Variants in LARS2 observed in about 807,000 individuals in gnomAD.
LARS2 encodes leucine--tRNA ligase, mitochondrial.
LARS2 carries 81 observed loss-of-function variants against 116.6 expected under a neutral mutation model. The ratio of observed to expected loss-of-function variants is 0.69; its 90% CI spans 0.58 to 0.84. LARS2 has a LOEUF of 0.84. Among genes scored for constraint, LARS2 ranks in the 40% least tolerant of loss-of-function variants. LARS2 has a pLI of 0.00. For missense variants in LARS2, 968 were observed against 1,114.5 expected (o/e 0.87, Z 1.87); for synonymous variants, 396 against 407.2 (o/e 0.97, Z 0.33).
intron 14 of LARS2, among the ~76,000 whole-genome samples, chr3:45,497,780 A>G (rs1700042082): frequency 6.6e-6 from 1 of 152,052 alleles, no homozygotes; most frequent in South Asian, 2.1e-4. Flanking sequence ...GGTGGCACGC[A>G]CCTGTAATCC....
At chr3:45,406,475 C>T (rs1698233529) in intron 4 of LARS2, among the ~76,000 whole-genome samples, 1 of 152,052 alleles carries the variant, frequency 6.6e-6, no homozygotes, top group African/African-American at 2.4e-5. Context: ...AAATACATCC[C>T]ATTGAAATGA....
intron 15 of LARS2, 83 bp downstream of exon 15, chr3:45,500,662 T>C (rs974566679): frequency 9.9e-7 from 1 of 1,012,622 alleles, no homozygotes; most frequent in East Asian, 2.7e-5. Flanking sequence ...TGAAGCAAGG[T>C]AAATGCATGT....
intron 15 of LARS2, among the ~76,000 whole-genome samples, chr3:45,503,878 C>T (rs1700160028): frequency 1.3e-5 from 2 of 152,052 alleles, no homozygotes; most frequent in Non-Finnish European, 2.9e-5. Flanking sequence ...GTCTCCCTCC[C>T]TGCACGCCAC....
intron 20 of LARS2, among the ~76,000 whole-genome samples, chr3:45,540,756 CTA>C (rs994472299): frequency 3.2e-4 from 47 of 149,016 alleles, no homozygotes; most frequent in African/African-American, 1.1e-3. Context: ...GTCTATCTAT[CTA>C]TCTATCTATC....
intron 11 of LARS2, among the ~76,000 whole-genome samples, chr3:45,486,059 T>C (rs1699806687): frequency 6.6e-6 from 1 of 152,182 alleles, no homozygotes; most frequent in Non-Finnish European, 1.5e-5. Context: ...GAGTTTGTTG[T>C]TAAGACTTGT....
At chr3:45,409,092 G>A (rs1350454983) in intron 4 of LARS2, among the ~76,000 whole-genome samples, 1 of 152,178 alleles carries the variant, frequency 6.6e-6, no homozygotes, top group South Asian at 2.1e-4. Context: ...TGGAAAAAAT[G>A]TTCTGAAGCT....
chr3:45,479,331 A>T (rs369925511), intron 10 of LARS2, among the ~76,000 whole-genome samples: 30 of 152,186 alleles, frequency 2.0e-4, no homozygotes, highest in African/African-American at 7.0e-4. Context: ...CCTGTGGAGG[A>T]GAGTGACACA....
chr3:45,518,863 G>C (rs555474036), intron 18 of LARS2, among the ~76,000 whole-genome samples: 1 of 152,260 alleles, frequency 6.6e-6, no homozygotes, highest in African/African-American at 2.4e-5. Context: ...GTGGCCCTGG[G>C]TCCAGCATGG....
chr3:45,523,435 T>G (rs1205615240), intron 19 of LARS2, among the ~76,000 whole-genome samples: 2 of 152,154 alleles, frequency 1.3e-5, no homozygotes, highest in Non-Finnish European at 2.9e-5. Flanking sequence ...GATCCTTAGC[T>G]GCTTCATCTG....
intron 8 of LARS2, among the ~76,000 whole-genome samples, chr3:45,473,627 G>A (rs149627038): frequency 2.7e-5 from 4 of 150,622 alleles, no homozygotes; most frequent in African/African-American, 7.3e-5. Context: ...CAGGTGATCC[G>A]CCCACCTCAG....
intron 6 of LARS2, among the ~76,000 whole-genome samples, chr3:45,423,125 G>A (rs1488741702): frequency 6.6e-6 from 1 of 152,126 alleles, no homozygotes; most frequent in Non-Finnish European, 1.5e-5. Flanking sequence ...ATAGCTTTAA[G>A]AGTGTTTTTT....
intron 13 of LARS2, among the ~76,000 whole-genome samples, chr3:45,494,775 A>G (rs1200716652): frequency 6.6e-6 from 1 of 152,114 alleles, no homozygotes. Flanking sequence ...GTTCTTAAGA[A>G]TGAGTGTAGC....
chr3:45,397,091 C>G lies in LARS2; in HGVS notation c.234+2404C>G, dbSNP rs375932654. Among the ~76,000 whole-genome samples, 7 of 152,308 alleles carry G rather than the reference C, an allele frequency of 4.6e-5. No homozygotes were observed. In the East Asian group the frequency reaches 1.3e-3, roughly 29 times the overall value. On this transcript the variant is annotated intron_variant, in intron 3 of 21. Coordinates refer to ENST00000645846, the MANE Select transcript of LARS2 (RefSeq NM_015340.4). ...GTCATCTTTCTTCTAAAGTCAGAAG[C>G]TGACAAAAATAATAGGACCCACTTA...
chr3:45,507,806 G>T (rs2170546), intron 15 of LARS2, among the ~76,000 whole-genome samples: 40,889 of 151,832 alleles, frequency 0.27, 6,075 homozygotes, highest in Middle Eastern at 0.4. Flanking sequence ...TGGGTGGTGA[G>T]CCCAATATAC....
chr3:45,503,052 AC>A (rs111579810), intron 15 of LARS2, among the ~76,000 whole-genome samples: 1,686 of 148,340 alleles, frequency 0.011, 46 homozygotes, highest in African/African-American at 0.038. Flanking sequence ...TATTTCTTGA[AC>A]CCTTTTTTTT....
intron 18 of LARS2, 104 bp from the exon 19 acceptor site, chr3:45,520,115 G>T: frequency 1.4e-6 from 1 of 736,960 alleles, no homozygotes; most frequent in South Asian, 1.6e-5. Context: ...AAATATCTTT[G>T]CATCCCATTC....
At chr3:45,478,123 CTT>C (rs1699644504) in intron 10 of LARS2, among the ~76,000 whole-genome samples, 1 of 152,160 alleles carries the variant, frequency 6.6e-6, no homozygotes, top group Non-Finnish European at 1.5e-5. Context: ...AGAAAAGAGT[CTT>C]TTGAGTTAAA....
In LARS2 at chr3:45,400,308, G is replaced by A; in HGVS notation, c.298G>A (p.Gly100Ser). Reference sequence around the variant, plus strand: ...TTATCCTTCTGGTAAGCTGCACATGGGCCATGTGCGTGTCTACACCATCAG... The same window carrying A: ...TTATCCTTCTGGTAAGCTGCACATGAGCCATGTGCGTGTCTACACCATCAG... ...FPYPSGKLHM[G>S]HVRVYTISDT... is the part of the protein sequence containing the mutation. Residue 100 changes from glycine (G) to serine (S), a missense_variant, in exon 4 of 22, where the codon GGC becomes AGC. By Grantham distance (56) the Gly-to-Ser change is moderately conservative (BLOSUM62 0). Coordinates refer to ENST00000645846, the MANE Select transcript of LARS2 (RefSeq NM_015340.4). 5.0e-6 allele frequency: 8 copies of A among 1,613,956 alleles called. No homozygotes were observed. The highest frequency in any genetic ancestry group is 6.8e-6 in the Non-Finnish European group (8 of 1,179,920).
At chr3:45,404,492 A>G (rs1698201786) in intron 4 of LARS2, among the ~76,000 whole-genome samples, 1 of 152,202 alleles carries the variant, frequency 6.6e-6, no homozygotes, top group South Asian at 2.1e-4. Context: ...CTGAGATTGA[A>G]TAAACTTGGA....
Sources: allele counts gnomAD v4.1 joint callset (sites outside exome capture counted in the v4.1 genomes callset), GRCh38; gene constraint gnomAD v4.1.1; transcripts MANE v1.5; gene names NCBI Gene and HGNC (gene_info 2026-07-23, HGNC 2026-07-21).